GLRA2: variants seen among roughly 807,000 people sequenced by gnomAD.
GLRA2 encodes glycine receptor alpha 2.
GLRA2 carries 11 observed loss-of-function variants against 31.6 expected under a neutral mutation model. The ratio of observed to expected loss-of-function variants is 0.35; its 90% CI spans 0.22 to 0.58. The LOEUF (loss-of-function observed/expected upper bound fraction) is 0.58. Ranked by LOEUF, GLRA2 falls within the 20% of genes least tolerant of loss-of-function variation. GLRA2 has a pLI of 0.84. For synonymous variants in GLRA2, 132 were observed against 134.0 expected, an observed-to-expected ratio of 0.99 and a Z score of 0.10; for missense variants, 212 against 351.8, an observed-to-expected ratio of 0.60 and a Z score of 3.18.
At chrX:14,719,503 A>G (rs1405772056) in intron 8 of GLRA2, among the ~76,000 whole-genome samples, 1 of 112,217 alleles carries the variant, frequency 8.9e-6, no homozygotes, top group Non-Finnish European at 1.9e-5. Context: ...TCACAATGAG[A>G]TATCATCTCA....
the GLRA2 span, among the ~76,000 whole-genome samples, chrX:14,518,645 G>T: frequency 9.0e-6 from 1 of 110,688 alleles, no homozygotes; most frequent in African/African-American, 3.3e-5. Flanking sequence ...ATTAAACTGT[G>T]TGTGTGTGTA....
the GLRA2 span, among the ~76,000 whole-genome samples, chrX:14,463,937 A>T: frequency 9.0e-5 from 10 of 111,269 alleles, no homozygotes; most frequent in Non-Finnish European, 1.7e-4. Flanking sequence ...TGCAGAAATC[A>T]CCCGTCTTCT....
chrX:14,692,703 C>T (rs188415038), intron 8 of GLRA2, among the ~76,000 whole-genome samples: 30 of 111,677 alleles, frequency 2.7e-4, no homozygotes, highest in African/African-American at 9.7e-4. Context: ...TCCTGGCTTA[C>T]TGACTGCATA....
intron 7 of GLRA2, among the ~76,000 whole-genome samples, chrX:14,613,550 T>C (rs2090424167): frequency 8.9e-6 from 1 of 111,883 alleles, no homozygotes; most frequent in Non-Finnish European, 1.9e-5. Context: ...TTGGGTATTA[T>C]AAGTAATCTA....
intron 8 of GLRA2, among the ~76,000 whole-genome samples, chrX:14,727,413 G>A (rs1434776002): frequency 2.7e-5 from 3 of 111,810 alleles, no homozygotes; most frequent in Non-Finnish European, 5.6e-5. Flanking sequence ...TTCCCAGAGC[G>A]GATCTCTCTT....
At chrX:14,619,806 A>G (rs1420928215) in intron 7 of GLRA2, among the ~76,000 whole-genome samples, 2 of 111,082 alleles carry the variant, frequency 1.8e-5, no homozygotes, top group African/African-American at 6.5e-5. Flanking sequence ...TATAAGCTCC[A>G]TGAAGGCAGG....
chrX:14,644,827 G>C (rs80106033), intron 7 of GLRA2, among the ~76,000 whole-genome samples: 1,554 of 111,971 alleles, frequency 0.014, 14 homozygotes, highest in Middle Eastern at 0.023. Context: ...TTGAGGGAAA[G>C]ACAAACAGAA....
chrX:14,657,288 C>T (rs899935099), intron 7 of GLRA2, among the ~76,000 whole-genome samples: 1 of 112,367 alleles, frequency 8.9e-6, no homozygotes, highest in Non-Finnish European at 1.9e-5. Flanking sequence ...ATTGGCTCAA[C>T]TTCTGTACTT....
chrX:14,490,640 A>G, the GLRA2 span, among the ~76,000 whole-genome samples: 1 of 111,822 alleles, frequency 8.9e-6, no homozygotes, highest in Non-Finnish European at 1.9e-5. Flanking sequence ...GGAGGAGGGA[A>G]GGTGAATCAG....
chrX:14,723,779 T>C (rs780003766), intron 8 of GLRA2, among the ~76,000 whole-genome samples: 7 of 112,090 alleles, frequency 6.2e-5, no homozygotes, highest in Non-Finnish European at 9.4e-5. Context: ...GAAATATCAC[T>C]TCCTAGGGGA....
intron 7 of GLRA2, among the ~76,000 whole-genome samples, chrX:14,643,600 A>T (rs1325754700): frequency 8.9e-6 from 1 of 112,043 alleles, no homozygotes; most frequent in Non-Finnish European, 1.9e-5. Context: ...CAGTGCTATC[A>T]TAAGAGTTCA....
intron 7 of GLRA2, among the ~76,000 whole-genome samples, chrX:14,616,007 C>G (rs1475764504): frequency 9.0e-6 from 1 of 110,841 alleles, no homozygotes; most frequent in Non-Finnish European, 1.9e-5. Context: ...CTCTGCCAAC[C>G]CCCAAGAAGC....
chrX:14,681,908 A>T (rs36058560), intron 7 of GLRA2, among the ~76,000 whole-genome samples: 3,010 of 37,297 alleles, frequency 0.081, 118 homozygotes, highest in African/African-American at 0.15. Flanking sequence ...AAAAAAAAAA[A>T]AAATATATAT....
intron 8 of GLRA2, among the ~76,000 whole-genome samples, chrX:14,717,091 T>G (rs1410485997): frequency 1.8e-5 from 2 of 111,642 alleles, no homozygotes; most frequent in African/African-American, 6.5e-5. Flanking sequence ...AATTATGTGC[T>G]TCCAGAGCCA....
the GLRA2 span, among the ~76,000 whole-genome samples, chrX:14,490,229 T>A: frequency 8.9e-6 from 1 of 112,034 alleles, no homozygotes; most frequent in East Asian, 2.8e-4. Flanking sequence ...ATGTACACTG[T>A]GTCAAATATC....
chrX:14,472,062 C>T, the GLRA2 span, among the ~76,000 whole-genome samples: 1 of 112,070 alleles, frequency 8.9e-6, no homozygotes, highest in Non-Finnish European at 1.9e-5. Flanking sequence ...CCTCAATCTA[C>T]CCCACTTAAG....
chrX:14,681,995 ATGTG>A (rs756711239), intron 7 of GLRA2, among the ~76,000 whole-genome samples: 4 of 90,609 alleles, frequency 4.4e-5, no homozygotes, highest in South Asian at 5.2e-4. Flanking sequence ...TTATATATGT[ATGTG>A]TGTGTGTGTG....
chrX:14,703,478 T>G (rs1282642439), intron 8 of GLRA2, among the ~76,000 whole-genome samples: 1 of 111,995 alleles, frequency 8.9e-6, no homozygotes, highest in Non-Finnish European at 1.9e-5. Context: ...TGTGAGCACG[T>G]AGATCATCTA....
At chrX:14,471,320 A>G in the GLRA2 span, among the ~76,000 whole-genome samples, 3 of 111,919 alleles carry the variant, frequency 2.7e-5, no homozygotes, top group Non-Finnish European at 5.6e-5. Flanking sequence ...GGCACCTTCA[A>G]CTGATATCTT....
Sources: allele counts gnomAD v4.1 joint callset (sites outside exome capture counted in the v4.1 genomes callset), GRCh38; gene constraint gnomAD v4.1.1; transcripts MANE v1.5; gene names NCBI Gene and HGNC (gene_info 2026-07-23, HGNC 2026-07-21).